Variants in PIAS2 observed in about 807,000 individuals in gnomAD.
The protein encoded by PIAS2 is E3 SUMO-protein ligase PIAS2.
In PIAS2, 19 loss-of-function variants were observed where a neutral mutation model predicts 69.7. That is an observed-to-expected ratio of 0.27 (90% confidence interval 0.19 to 0.40). The LOEUF is 0.40. Ranked by LOEUF, PIAS2 falls within the 10% of genes least tolerant of loss-of-function variation. PIAS2 has a pLI of 1.00. For missense variants in PIAS2, 624 were observed against 757.0 expected (o/e 0.82, Z 2.06); for synonymous variants, 261 against 263.2 (o/e 0.99, Z 0.08).
intron 2 of PIAS2, among the ~76,000 whole-genome samples, chr18:46,871,280 G>A (rs953736972): frequency 6.6e-6 from 1 of 152,076 alleles, no homozygotes; most frequent in Non-Finnish European, 1.5e-5. Context: ...TTCCAACAGG[G>A]GTTCCAAAAG....
intron 3 of PIAS2, among the ~76,000 whole-genome samples, chr18:46,859,803 T>C (rs62095380): frequency 0.026 from 3,951 of 151,962 alleles, 75 homozygotes; most frequent in Admixed American, 0.056. Flanking sequence ...TAGAGGGAGG[T>C]GTTGGTAATT....
At chr18:46,902,862 A>G (rs1401925956) in intron 1 of PIAS2, among the ~76,000 whole-genome samples, 1 of 152,220 alleles carries the variant, frequency 6.6e-6, no homozygotes, top group East Asian at 1.9e-4. Flanking sequence ...GTGGAAGGGT[A>G]GACACATAGA....
chr18:46,833,661 A>G (rs55779584), intron 9 of PIAS2, among the ~76,000 whole-genome samples: 11,744 of 152,292 alleles, frequency 0.077, 486 homozygotes, highest in African/African-American at 0.1. Context: ...AGAATGTATT[A>G]TGACACTAGT....
chr18:46,813,302 C>T (rs1200428356), intron 13 of PIAS2, among the ~76,000 whole-genome samples: 1 of 152,160 alleles, frequency 6.6e-6, no homozygotes, highest in African/African-American at 2.4e-5. Context: ...CTTAACACCC[C>T]TTTCCTAGTG....
intron 4 of PIAS2, 46 bp downstream of exon 4, chr18:46,855,519 T>C (rs756015517): frequency 1.3e-6 from 2 of 1,568,346 alleles, no homozygotes; most frequent in Admixed American, 1.7e-5. Context: ...TACATGCACA[T>C]AGTAAGCAAG....
At chr18:46,905,967 AGTCCAGT>A (rs2056546235) in intron 1 of PIAS2, 1 of 152,158 alleles carries the variant, frequency 6.6e-6, no homozygotes, top group South Asian at 2.1e-4. Context: ...CTCCAAACTG[AGTCCAGT>A]GAAAAAAAGG....
At chr18:46,904,019 T>C (rs2056252067) in intron 1 of PIAS2, 3 of 152,242 alleles carry the variant, frequency 2.0e-5, no homozygotes, top group South Asian at 2.1e-4. Context: ...ACAAAAATCA[T>C]AGAAATGAAA....
At chr18:46,904,405 G>GT (rs763780864) in intron 1 of PIAS2, among the ~76,000 whole-genome samples, 2 of 152,096 alleles carry the variant, frequency 1.3e-5, no homozygotes, top group Non-Finnish European at 2.9e-5. Context: ...ACACAAAAAT[G>GT]TAACGGTGAG....
At chr18:46,906,778 G>GGGT (rs2056663416) in intron 1 of PIAS2, among the ~76,000 whole-genome samples, 1 of 145,308 alleles carries the variant, frequency 6.9e-6, no homozygotes, top group Non-Finnish European at 1.5e-5. Context: ...GTGTGTGGGG[G>GGGT]GGGGGGGAGG....
Position 46,862,855 on chromosome 18 carries a change from G to A in PIAS2, c.584+1309C>T, listed in dbSNP as rs140790897. On this transcript the variant is annotated intron_variant, in intron 3 of 13. Transcript: ENST00000585916. ...CGAGTAGCAGGGATTACAGGCGCCCGCCACCATGCTCGGCTAATTTGTTGT... is the reference window on the plus strand; with the variant it reads ...CGAGTAGCAGGGATTACAGGCGCCCACCACCATGCTCGGCTAATTTGTTGT... 5.9e-4 allele frequency among the ~76,000 whole-genome samples: 89 copies of A among 152,000 alleles called. No homozygotes were observed. In the East Asian group the frequency reaches 0.014, roughly 25 times the overall value.
intron 3 of PIAS2, among the ~76,000 whole-genome samples, chr18:46,856,865 G>T (rs965387599): frequency 1.3e-5 from 2 of 152,044 alleles, no homozygotes; most frequent in East Asian, 3.9e-4. Flanking sequence ...CCCAATCCTC[G>T]AGCTCCACTG....
At chr18:46,844,679 A>G in intron 7 of PIAS2, 55 bp downstream of exon 7, 1 of 637,314 alleles carries the variant, frequency 1.6e-6, no homozygotes, top group Non-Finnish European at 2.5e-6. Flanking sequence ...AGTATCTCAT[A>G]TGCTCAATCT....
At chr18:46,900,059 G>A (rs2055557229) in intron 1 of PIAS2, among the ~76,000 whole-genome samples, 1 of 152,100 alleles carries the variant, frequency 6.6e-6, no homozygotes, top group African/African-American at 2.4e-5. Context: ...GTCCAACATC[G>A]TCTCTACTAA....
At chr18:46,814,344 A>G (rs959620363) in intron 13 of PIAS2, among the ~76,000 whole-genome samples, 30 of 152,328 alleles carry the variant, frequency 2.0e-4, no homozygotes, top group African/African-American at 7.2e-4. Flanking sequence ...TCTAGGTTCC[A>G]AGATAATTTT....
rs139192090 is a variant in PIAS2 at position 46,871,082 on chromosome 18, C to T, written c.500-6834G>A. Among the ~76,000 whole-genome samples, 27 of 152,278 alleles carry T rather than the reference C, an allele frequency of 1.8e-4. No individual in the cohort carries two copies. The East Asian group carries it at 5.0e-3, about 28-fold the overall frequency. ...TATGCAGGCCTAGACTTAGAAGACC[C>T]TCTTGGGCAGGGAATACTCAAGTTA... is the stretch of plus-strand genomic sequence containing the variant. On this transcript the variant is annotated intron_variant, in intron 2 of 13. Coordinates refer to ENST00000585916, the MANE Select transcript of PIAS2 (RefSeq NM_004671.5).
chr18:46,835,939 A>G (rs913426634), intron 9 of PIAS2, among the ~76,000 whole-genome samples: 1 of 152,224 alleles, frequency 6.6e-6, no homozygotes, highest in Non-Finnish European at 1.5e-5. Context: ...CTCCAGAGTC[A>G]GAAATACCTG....
Position 46,836,102 on chromosome 18 carries a change from TTA to T in PIAS2, c.1202+253_1202+254del, listed in dbSNP as rs1285942302. On this transcript the variant is annotated intron_variant, in intron 9 of 13. Coordinates refer to ENST00000585916, the MANE Select transcript of PIAS2 (RefSeq NM_004671.5). ...AACTTTTCCCTCTTTCCTGTGGGCT[TTA>T]TAAAATATAATCTTGGAAAGCAAAA... 5.0e-5 allele frequency: 15 copies of T among 298,598 alleles called. No individual in the cohort carries two copies. The East Asian group carries it at 8.2e-4, about 16-fold the overall frequency. 18.5% of individuals were successfully genotyped at this position (298,598 alleles called of 1,614,324 possible). A position where few individuals can be genotyped will look rare whatever the true frequency, so the allele number is the denominator to read the frequency against.
intron 2 of PIAS2, among the ~76,000 whole-genome samples, chr18:46,870,242 G>T (rs945992092): frequency 6.6e-6 from 1 of 152,108 alleles, no homozygotes; most frequent in Non-Finnish European, 1.5e-5. Context: ...TTTTCCCCTT[G>T]AGGGAAGTGC....
intron 2 of PIAS2, among the ~76,000 whole-genome samples, chr18:46,886,099 A>G (rs1238738743): frequency 6.6e-6 from 1 of 152,168 alleles, no homozygotes; most frequent in Non-Finnish European, 1.5e-5. Flanking sequence ...AGCCTACTAC[A>G]GCATCTTCAC....
Sources: allele counts gnomAD v4.1 joint callset (sites outside exome capture counted in the v4.1 genomes callset), GRCh38; gene constraint gnomAD v4.1.1; transcripts MANE v1.5; gene names NCBI Gene and HGNC (gene_info 2026-07-23, HGNC 2026-07-21).